UBR3: variants seen among roughly 807,000 people sequenced by gnomAD.
UBR3 encodes ubiquitin protein ligase E3 component n-recognin 3.
A neutral mutation model predicts 243.2 loss-of-function variants in UBR3; 85 were observed. That is an observed-to-expected ratio of 0.35 (90% CI 0.29 to 0.42). The LOEUF (loss-of-function observed/expected upper bound fraction) is 0.42, where lower values mean the gene tolerates loss of function less well. Ranked by LOEUF, UBR3 falls within the 10% of genes least tolerant of loss-of-function variation. The pLI is 1.00. For missense variants in UBR3, 1,686 were observed against 2,300.8 expected, an observed-to-expected ratio of 0.73 and a Z score of 5.47; for synonymous variants, 748 against 799.8, an observed-to-expected ratio of 0.94 and a Z score of 1.09.
chr2:169,988,802 T>G (rs567766923), intron 25 of UBR3, among the ~76,000 whole-genome samples: 6 of 152,034 alleles, frequency 3.9e-5, no homozygotes, highest in African/African-American at 1.2e-4. Context: ...TTTAAAAAAA[T>G]TAAAAAAGAA....
intron 27 of UBR3, 113 bp downstream of exon 27, chr2:170,001,527 C>T (rs2089695192): frequency 2.0e-5 from 13 of 642,016 alleles, no homozygotes; most frequent in Admixed American, 1.6e-4. Context: ...TTTTGATCAT[C>T]GTATAAACTA....
At chr2:170,066,354 G>A (rs2091566736) in intron 35 of UBR3, among the ~76,000 whole-genome samples, 1 of 152,076 alleles carries the variant, frequency 6.6e-6, no homozygotes, top group East Asian at 1.9e-4. Context: ...CTTCTTAAAT[G>A]AATCTGTCTC....
chr2:169,855,094 G>A (rs2082790882), intron 1 of UBR3, among the ~76,000 whole-genome samples: 1 of 152,014 alleles, frequency 6.6e-6, no homozygotes. Flanking sequence ...TTTTCCTCCA[G>A]GTTGACTCAT....
At chr2:170,029,483 C>A in intron 31 of UBR3, 35 bp downstream of exon 31, 2 of 1,503,382 alleles carry the variant, frequency 1.3e-6, no homozygotes, top group South Asian at 1.2e-5. Context: ...TCAATTAAAA[C>A]TCTTTATGAA....
intron 31 of UBR3, among the ~76,000 whole-genome samples, chr2:170,030,053 T>A (rs1420297376): frequency 1.3e-5 from 2 of 152,056 alleles, no homozygotes; most frequent in Admixed American, 1.3e-4. Context: ...GACCAATAAG[T>A]TTGGTCTTTG....
chr2:169,950,459 T>TTTA (rs1233257605), intron 23 of UBR3, among the ~76,000 whole-genome samples: 1 of 152,100 alleles, frequency 6.6e-6, no homozygotes, highest in Non-Finnish European at 1.5e-5. Flanking sequence ...CTTTTGGTCT[T>TTTA]TTCTAATCTT....
At chr2:170,081,703 C>T in intron 38 of UBR3, 23 bp from the exon 39 acceptor site, 1 of 1,498,564 alleles carries the variant, frequency 6.7e-7, no homozygotes, top group Non-Finnish European at 9.1e-7. Context: ...GATATTAATA[C>T]TTTTTTTTTC....
intron 19 of UBR3, among the ~76,000 whole-genome samples, chr2:169,939,718 C>T (rs1345147112): frequency 6.6e-6 from 1 of 151,920 alleles, no homozygotes; most frequent in East Asian, 1.9e-4. Context: ...GGTGCATCAC[C>T]ATGCTTGGCT....
At chr2:169,985,009 G>T (rs1179877973) in intron 24 of UBR3, among the ~76,000 whole-genome samples, 2 of 124,348 alleles carry the variant, frequency 1.6e-5, no homozygotes, top group East Asian at 4.8e-4. Context: ...ATTGTACCAA[G>T]ACTTATTAAA....
intron 35 of UBR3, among the ~76,000 whole-genome samples, chr2:170,070,926 A>G (rs2091684228): frequency 6.6e-6 from 1 of 152,188 alleles, no homozygotes; most frequent in Admixed American, 6.5e-5. Flanking sequence ...CTCAAGTGTA[A>G]GAAAACAAAA....
chr2:169,962,887 G>T (rs1451688795), intron 24 of UBR3, among the ~76,000 whole-genome samples: 1 of 152,114 alleles, frequency 6.6e-6, no homozygotes, highest in Non-Finnish European at 1.5e-5. Context: ...GGTAGCTCTT[G>T]TGGGTTTATT....
At chr2:169,910,367 G>T (rs2085204616) in intron 10 of UBR3, among the ~76,000 whole-genome samples, 1 of 152,098 alleles carries the variant, frequency 6.6e-6, no homozygotes. Flanking sequence ...GGGTTGATAT[G>T]ATATTGATAT....
Position 169,926,851 on chromosome 2 carries a change from G to A in UBR3, c.2218G>A (p.Asp740Asn), listed in dbSNP as rs2085928808. The A allele has an allele frequency of 1.3e-6, 2 of 1,548,990 alleles. No individual in the cohort carries two copies. The highest frequency in any genetic ancestry group is 2.0e-5 in the Admixed American group (1 of 50,908). ...TTCTTCTTGTAGATTTAAGGTAGTG[G>A]ATTTGTTGACAATGGCATCACAACA... is the stretch of plus-strand genomic sequence containing the variant. Reference protein sequence around the residue: ...SSVFERFKVVDLLTMASQHQN... With the variant: ...SSVFERFKVVNLLTMASQHQN... The change falls in exon 16 of 39, where the codon GAT (aspartate) becomes AAT (asparagine). Residue 740 changes from aspartate to asparagine, a missense_variant. By Grantham distance (23) the Asp-to-Asn change is conservative. Around this residue, in one of 8 missense-constraint regions of UBR3, gnomAD observed 346 missense variants for 585.8 expected, o/e 0.59. Coordinates refer to ENST00000272793, the MANE Select transcript of UBR3 (RefSeq NM_172070.4).
intron 28 of UBR3, among the ~76,000 whole-genome samples, chr2:170,007,675 C>A (rs1293304021): frequency 6.6e-6 from 1 of 152,012 alleles, no homozygotes; most frequent in Non-Finnish European, 1.5e-5. Context: ...ACCAGCCTGA[C>A]CAACATGGCA....
At chr2:169,831,012 C>G (rs1000493534) in intron 1 of UBR3, among the ~76,000 whole-genome samples, 2 of 149,806 alleles carry the variant, frequency 1.3e-5, no homozygotes, top group Non-Finnish European at 3.0e-5. Flanking sequence ...AGGCTATAGA[C>G]AGTCAACATC....
chr2:169,900,160 G>T (rs903647430), intron 8 of UBR3, among the ~76,000 whole-genome samples: 3 of 152,134 alleles, frequency 2.0e-5, no homozygotes, highest in Non-Finnish European at 2.9e-5. Context: ...CAGCGTCTGT[G>T]GTTTCCTGAC....
chr2:170,013,272 CAAAG>C lies in UBR3; in HGVS notation c.4368-2005_4368-2002del, dbSNP rs568955459. On this transcript the variant is annotated intron_variant, in intron 29 of 38. Transcript: ENST00000272793. ...AGGACCAATTTTGACATATATGAAA[CAAAG>C]AAAAGTTGGTATTTAGAGCCATATT... Among the ~76,000 whole-genome samples the C allele has an allele frequency of 2.9e-3, 442 of 151,970 alleles. 2 individuals are homozygous for C. The highest frequency in any genetic ancestry group is 0.01 in the African/African-American group (416 of 41,448).
At chr2:169,996,693 GTTTTTTTTTT>G (rs397871702) in intron 26 of UBR3, among the ~76,000 whole-genome samples, 2 of 64,480 alleles carry the variant, frequency 3.1e-5, no homozygotes, top group Admixed American at 2.0e-4. Context: ...TTGGACTTTT[GTTTTTTTTTT>G]TTTTTTTTTA....
chr2:169,949,932 AT>A lies in UBR3; in HGVS notation c.3416del (p.Leu1139TyrfsTer2). 6.2e-7 allele frequency: 1 copy of A among 1,613,730 alleles called. No individual in the cohort carries two copies. Among genetic ancestry groups the A allele is most frequent in the Non-Finnish European group, 8.5e-7 (1 of 1,179,752 alleles). ...HGDGITAVER[I>X]LLKAASQSRM... ...AGATGGTATAACTGCCGTGGAAAGAATTTTACTAAAAGCTGCATCGCAAAGT... is the reference window on the plus strand; with the variant it reads ...AGATGGTATAACTGCCGTGGAAAGAATTTACTAAAAGCTGCATCGCAAAGT... On this transcript the variant is annotated frameshift_variant, in exon 23 of 39. Transcript: ENST00000272793. LOFTEE classifies it high-confidence loss of function.
Sources: gnomAD v4.1 joint callset for allele counts (sites outside exome capture counted in the v4.1 genomes callset) on GRCh38, gnomAD v4.1.1 for gene constraint, gnomAD v4.1.1 regional missense constraint, MANE v1.5 for transcripts, NCBI Gene and HGNC (gene_info 2026-07-23, HGNC 2026-07-21) for gene names.